The following CEP72 variants were observed in gnomAD, a reference collection of about 807,000 sequenced individuals.
CEP72 encodes the protein centrosomal protein of 72 kDa.
A neutral mutation model predicts 65.7 loss-of-function variants in CEP72; 78 were observed. That is an observed-to-expected ratio of 1.19 (90% CI 0.99 to 1.43). CEP72 has a LOEUF of 1.43. Among genes scored for constraint, CEP72 ranks in the 40% most tolerant of loss-of-function variants. CEP72 has a pLI of 0.00. For missense variants in CEP72, 914 were observed against 832.9 expected (o/e 1.10, Z -1.20); for synonymous variants, 358 against 351.7 (o/e 1.02, Z -0.20).
chr5:619,086 A>ATC lies in CEP72; in HGVS notation c.184_185dup (p.Asn64AlafsTer13). On this transcript the variant is annotated frameshift_variant, in exon 2 of 12. Coordinates refer to ENST00000264935, the MANE Select transcript of CEP72 (RefSeq NM_018140.4). LOFTEE classifies it high-confidence loss of function. ...AGTTTAACAGGTCTGAAATCTTTGG[A>ATC]TCTCTCGCGCAACTCCTTGGTTAGT... 6.2e-7 allele frequency: 1 copy of ATC among 1,613,864 alleles called. No individual in the cohort carries two copies. The highest frequency in any genetic ancestry group is 8.5e-7 in the Non-Finnish European group (1 of 1,179,796).
the CEP72 span, among the ~76,000 whole-genome samples, chr5:675,460 G>GTGTGGC: frequency 0.16 from 9,424 of 58,298 alleles, 732 homozygotes; most frequent in Middle Eastern, 0.28. Context: ...CTGGGGTGCA[G>GTGTGGC]CACAGGGGGT....
chr5:660,225 AT>A (rs1561073282), downstream of CEP72: 8 of 151,420 alleles, frequency 5.3e-5, no homozygotes, highest in East Asian at 1.9e-4. Flanking sequence ...ATATATATAT[AT>A]ATAAATTTGT....
chr5:658,608 T>G (rs1739449186), downstream of CEP72, among the ~76,000 whole-genome samples: 1 of 150,242 alleles, frequency 6.7e-6, no homozygotes, highest in Admixed American at 6.6e-5. Flanking sequence ...AATTTCCCTG[T>G]TCTGTGTTTC....
At chr5:646,833 G>C (rs955921845) in intron 10 of CEP72, among the ~76,000 whole-genome samples, 2 of 152,228 alleles carry the variant, frequency 1.3e-5, no homozygotes, top group African/African-American at 4.8e-5. Context: ...CACTCCCGCA[G>C]AGGTGGACAT....
intron 9 of CEP72, chr5:644,042 GTGGGGCTCTCACAGGAC>G (rs895538462): frequency 3.8e-5 from 16 of 426,610 alleles, no homozygotes; most frequent in African/African-American, 2.8e-4. Flanking sequence ...AGACTCAGGA[GTGGGGCTCTCACAGGAC>G]TGGGGCGCTC....
chr5:658,195 C>T (rs1347734603), downstream of CEP72, among the ~76,000 whole-genome samples: 1 of 152,254 alleles, frequency 6.6e-6, no homozygotes, highest in African/African-American at 2.4e-5. Context: ...CTCCAGCCAC[C>T]ATGCTGTCAG....
intron 9 of CEP72, 142 bp from the exon 10 acceptor site, chr5:644,157 A>C (rs1738257000): frequency 2.2e-6 from 2 of 915,484 alleles, no homozygotes; most frequent in Non-Finnish European, 3.4e-6. Flanking sequence ...ATGTACCGTG[A>C]AACTGAATTA....
intron 6 of CEP72, among the ~76,000 whole-genome samples, chr5:635,918 C>A (rs2455332): frequency 1.0e-5 from 1 of 99,352 alleles, no homozygotes; most frequent in Admixed American, 1.1e-4. Flanking sequence ...ACAGCATTCC[C>A]GCCTCCCTGA....
Position 633,903 on chromosome 5 carries a change from G to A in CEP72, c.647G>A (p.Ser216Asn), listed in dbSNP as rs748870641. 19 of 1,613,042 alleles carry A rather than the reference G, an allele frequency of 1.2e-5. No homozygotes were observed. Among genetic ancestry groups the A allele is most frequent in the Non-Finnish European group, 1.4e-5 (17 of 1,180,050 alleles). Residue 216 changes from serine (S) to asparagine (N), a missense_variant, in exon 5 of 12, where the codon AGC (serine) becomes AAC (asparagine). By Grantham distance (46) the Ser-to-Asn change is conservative. Coordinates refer to ENST00000264935, the MANE Select transcript of CEP72 (RefSeq NM_018140.4). ...WDLGRPPGST[S>N]FSQKGREADS... ...CTCGGCAGGCCTCCCGGGAGCACGAGCTTCAGCCAGAAGGGGCGTGAGGCC... is the reference window on the plus strand; with the variant it reads ...CTCGGCAGGCCTCCCGGGAGCACGAACTTCAGCCAGAAGGGGCGTGAGGCC...
At chr5:649,230 G>A (rs1738723293) in intron 11 of CEP72, among the ~76,000 whole-genome samples, 1 of 115,072 alleles carries the variant, frequency 8.7e-6, no homozygotes, top group Non-Finnish European at 1.8e-5. Flanking sequence ...AGGTGTGACT[G>A]TGAGGTGTGA....
chr5:654,840 C>G (rs545727685), downstream of CEP72, among the ~76,000 whole-genome samples: 99 of 115,328 alleles, frequency 8.6e-4, no homozygotes, highest in African/African-American at 2.4e-3. Flanking sequence ...TCACTTCTTC[C>G]TCCCTGTCCC....
chr5:642,784 C>T (rs771854167), intron 9 of CEP72: 14 of 985,474 alleles, frequency 1.4e-5, no homozygotes, highest in Non-Finnish European at 1.7e-5. Context: ...GCGGAGGGAG[C>T]AGCCGTGCAG....
the CEP72 span, among the ~76,000 whole-genome samples, chr5:672,667 C>T: frequency 6.6e-6 from 1 of 152,236 alleles, no homozygotes; most frequent in African/African-American, 2.4e-5. Context: ...ATGGGCCCCT[C>T]CCCAGGCTCG....
At chr5:641,848 G>T (rs979981821) in intron 9 of CEP72, 1 of 972,740 alleles carries the variant, frequency 1.0e-6, no homozygotes, top group Non-Finnish European at 1.2e-6. Context: ...TTAAGCACAC[G>T]TGGTCCCCCG....
downstream of CEP72, among the ~76,000 whole-genome samples, chr5:667,797 C>T (rs1476263250): frequency 9.2e-5 from 14 of 151,794 alleles, no homozygotes; most frequent in African/African-American, 3.4e-4. Flanking sequence ...GAGAGGGGTC[C>T]GCGTGGGCCC....
chr5:674,813 G>A, the CEP72 span, among the ~76,000 whole-genome samples: 3 of 151,750 alleles, frequency 2.0e-5, no homozygotes, highest in East Asian at 1.9e-4. Context: ...TGTCCTCCAG[G>A]CAGCGGCTGA....
chr5:665,938 C>CCCCCCCCCCCCACAAA, intron 3 of CEP72: 2 of 1,366,614 alleles, frequency 1.5e-6, no homozygotes, highest in Non-Finnish European at 1.9e-6. Context: ...CCACCCCCTC[C>CCCCCCCCCCCCACAAA]AGGCCCCGCC....
At chr5:675,373 G>A in the CEP72 span, among the ~76,000 whole-genome samples, 912 of 112,460 alleles carry the variant, frequency 8.1e-3, 51 homozygotes, top group African/African-American at 0.031. Flanking sequence ...CAGTGTGGCC[G>A]GGGGTGCAGC....
At position 633,918 on chromosome 5, in the gene CEP72, G is replaced by A. The variant is rs1737404845; in HGVS notation, c.662G>A (p.Gly221Glu). Residue 221 changes from glycine to glutamate, a missense_variant, in exon 5 of 12, where the codon GGG (glycine) becomes GAG (glutamate). Transcript: ENST00000264935. Reference sequence around the variant, plus strand: ...GGGAGCACGAGCTTCAGCCAGAAGGGGCGTGAGGCCGACTCTCGTGGTTCC... The same window carrying A: ...GGGAGCACGAGCTTCAGCCAGAAGGAGCGTGAGGCCGACTCTCGTGGTTCC... ...PPGSTSFSQKGREADSRGSQE... is the reference protein window; with the variant it reads ...PPGSTSFSQKEREADSRGSQE... 2.6e-5 allele frequency: 42 copies of A among 1,612,774 alleles called. No individual in the cohort carries two copies. Among genetic ancestry groups the A allele is most frequent in the Non-Finnish European group, 3.5e-5 (41 of 1,180,034 alleles).
Sources: gnomAD v4.1 joint callset for allele counts (sites outside exome capture counted in the v4.1 genomes callset) on GRCh38, gnomAD v4.1.1 for gene constraint, MANE v1.5 for transcripts, NCBI Gene and HGNC (gene_info 2026-07-23, HGNC 2026-07-21) for gene names.